Variants in OR2T11 observed in about 807,000 individuals in gnomAD.
The protein encoded by OR2T11 is olfactory receptor family 2 subfamily T member 11, also known as olfactory receptor 2T11.
A neutral mutation model predicts 13.5 loss-of-function variants in OR2T11; 14 were observed. The observed-to-expected ratio is 1.04, with a 90% CI of 0.69 to 1.62. The LOEUF is 1.62. Ranked by LOEUF, OR2T11 falls within the 40% of genes most tolerant of loss-of-function variation. OR2T11 has a pLI of 0.00. For synonymous variants in OR2T11, 163 were observed against 154.6 expected, an observed-to-expected ratio of 1.05 and a Z score of -0.40; for missense variants, 410 against 389.7, an observed-to-expected ratio of 1.05 and a Z score of -0.44.
Position 248,626,269 on chromosome 1 carries a change from T to C in OR2T11, c.860A>G (p.Tyr287Cys), listed in dbSNP as rs758684399. The C allele has an allele frequency of 6.4e-7, 1 of 1,569,110 alleles. No individual in the cohort carries two copies. The highest frequency in any genetic ancestry group is 8.7e-7 in the Non-Finnish European group (1 of 1,152,976). The change falls in exon 2 of 2, where the codon TAC (tyrosine) becomes TGC (cysteine). Residue 287 changes from tyrosine (Y) to cysteine (C), a missense_variant. Physicochemically the swap from Tyr to Cys is radical, Grantham distance 194. Transcript: ENST00000641193. ...IVTPMLNPLI[Y>C]SLRNKDVIGA... Reference sequence around the variant, plus strand: ...TATGACGTCCTTGTTTCTGAGGCTGTAGATGAGAGGATTAAGCATGGGCGT... The same window carrying C: ...TATGACGTCCTTGTTTCTGAGGCTGCAGATGAGAGGATTAAGCATGGGCGT...
At chr1:248,628,841 C>T (rs193027144) in intron 1 of OR2T11, among the ~76,000 whole-genome samples, 1 of 143,130 alleles carries the variant, frequency 7.0e-6, no homozygotes, top group Non-Finnish European at 1.5e-5. Flanking sequence ...TCAGGCCTCC[C>T]AGAAATACTC....
At position 248,627,281 on chromosome 1, in the gene OR2T11, G is replaced by T; in HGVS notation, c.-144-9C>A. The T allele has an allele frequency of 5.2e-6, 3 of 572,240 alleles. No homozygotes were observed. Among genetic ancestry groups the T allele is most frequent in the Non-Finnish European group, 9.2e-6 (3 of 327,076 alleles). The allele number at this position is 572,240 out of a possible 1,614,324, so 35.4% of individuals were successfully genotyped here. The stretch of plus-strand genomic sequence containing the variant: ...AGCTTCCAGGCTAGAGGCTAGAGAA[G>T]AACAGGCAGACCAACATGCACATCA... On this transcript the variant is annotated splice_polypyrimidine_tract_variant and intron_variant, in intron 1 of 1. Transcript: ENST00000641193.
chr1:248,626,415 A>T lies in OR2T11; in HGVS notation c.714T>A (p.Cys238Ter), dbSNP rs530912003. 1 of 1,571,602 alleles carries T rather than the reference A, an allele frequency of 6.4e-7. No individual in the cohort carries two copies. Among genetic ancestry groups the T allele is most frequent in the Non-Finnish European group, 8.7e-7 (1 of 1,155,488 alleles). ...TGCTAACTACAGTCAAGTGGGAGGA[A>T]CAAGTGGTGAAGGCCTTTTTGCGAC... ...AEGRKKAFTT[C>*]SSHLTVVSIF... is the part of the protein sequence containing the mutation. The change falls in exon 2 of 2, where the codon TGT becomes TGA. Residue 238 changes from cysteine (C) to a stop codon, truncating the protein, a stop_gained. Coordinates refer to ENST00000641193, the MANE Select transcript of OR2T11 (RefSeq NM_001001964.2). LOFTEE classifies it high-confidence loss of function.
rs773873003 is a variant in OR2T11 at position 248,626,239 on chromosome 1, G to A, written c.890C>T (p.Ala297Val). 1.3e-5 allele frequency: 21 copies of A among 1,568,252 alleles called. 2 individuals carry two copies. The highest frequency in any genetic ancestry group is 1.6e-5 in the Non-Finnish European group (19 of 1,152,184). ...GCAACATGCAAATACCTTTTTAAAT[G>A]CCCCTATGACGTCCTTGTTTCTGAG... ...YSLRNKDVIG[A>V]FKKVFACCSS... Residue 297 changes from alanine (A) to valine (V), a missense_variant, in exon 2 of 2, where the codon GCA becomes GTA. Physicochemically the swap from Ala to Val is moderately conservative, Grantham distance 64. Transcript: ENST00000641193.
In OR2T11 at chr1:248,631,795, A is replaced by G. The variant is rs151058256; in HGVS notation, c.-145+3243T>C. Among the ~76,000 whole-genome samples, 552 of 143,296 alleles carry G rather than the reference A, an allele frequency of 3.9e-3. 112 individuals are homozygous for G. Among genetic ancestry groups the G allele is most frequent in the African/African-American group, 0.014 (528 of 36,446 alleles). The allele number at this position is 143,296 out of a possible 152,430, so 94.0% of individuals were successfully genotyped here. A position where few individuals can be genotyped will look rare whatever the true frequency, so the allele number is the denominator to read the frequency against. On this transcript the variant is annotated intron_variant, in intron 1 of 1. Transcript: ENST00000641193. ...ATGTACCCCAAGAAAGGTCTTACAA[A>G]TGCCACTCACACACGTCACTGTTGT...
chr1:248,626,639 G>C lies in OR2T11; in HGVS notation c.490C>G (p.Pro164Ala). The C allele has an allele frequency of 6.4e-7, 1 of 1,572,678 alleles. No individual in the cohort carries two copies. Among genetic ancestry groups the C allele is most frequent in the East Asian group, 2.3e-5 (1 of 43,656 alleles). The change falls in exon 2 of 2, where the codon CCT (proline) becomes GCT (alanine). Residue 164 changes from proline to alanine, a missense_variant. Transcript: ENST00000641193. ...FLLTPITMNV[P>A]YCGSRSINHF... ...TTGATACTTCGGGAGCCACAGTAAGGGACATTCATGGTGATGGGAGTGAGC... is the reference window on the plus strand; with the variant it reads ...TTGATACTTCGGGAGCCACAGTAAGCGACATTCATGGTGATGGGAGTGAGC...
In OR2T11 at chr1:248,626,735, G is replaced by A. The variant is rs149834385; in HGVS notation, c.394C>T (p.Leu132=). 103 of 1,573,300 alleles carry A rather than the reference G, an allele frequency of 6.5e-5. 6 individuals carry two copies. Among genetic ancestry groups the A allele is most frequent in the Non-Finnish European group, 8.6e-5 (100 of 1,157,006 alleles). Residue 132 remains leucine (L), a synonymous_variant, in exon 2 of 2, where the codon CTG becomes TTG. Transcript: ENST00000641193. ...AAAAGACACTTCTTGCGGTTCATCA[G>A]GACTGGGTATCTCAGAGGGTTACAG... ...AVCNPLRYPV[L]MNRKKCLLLA...
At chr1:248,632,956 A>G (rs1660633467) in intron 1 of OR2T11, among the ~76,000 whole-genome samples, 1 of 44,348 alleles carries the variant, frequency 2.3e-5, no homozygotes, top group Admixed American at 2.7e-4. Context: ...GCTGGGTTGT[A>G]TCAACATCGA....
rs1660484891 is a variant in OR2T11 at position 248,624,424 on chromosome 1, T to C, written c.*1754A>G. 1 of 143,490 alleles carries C rather than the reference T, an allele frequency of 7.0e-6. No individual in the cohort carries two copies. Among genetic ancestry groups the C allele is most frequent in the East Asian group, 2.0e-4 (1 of 4,972 alleles). 8.9% of individuals were successfully genotyped at this position (143,490 alleles called of 1,614,324 possible). On this transcript the variant is annotated 3_prime_UTR_variant, in exon 2 of 2. Coordinates refer to ENST00000641193, the MANE Select transcript of OR2T11 (RefSeq NM_001001964.2). Reference sequence around the variant, plus strand: ...TGGTCACTAAGGTTACAAGTAACCTTTCATGTTGCTAAATACAGTAACCAA... The same window carrying C: ...TGGTCACTAAGGTTACAAGTAACCTCTCATGTTGCTAAATACAGTAACCAA...
At chr1:248,629,707 C>T (rs1212817118) in intron 1 of OR2T11, among the ~76,000 whole-genome samples, 8 of 140,526 alleles carry the variant, frequency 5.7e-5, no homozygotes, top group East Asian at 2.1e-4. Flanking sequence ...AATGATCTCC[C>T]GCCGACTCCA....
chr1:248,626,696 C>G lies in OR2T11; in HGVS notation c.433G>C (p.Ala145Pro). ...CCATCGAGGGAGCCCCCAAACCAGG[C>G]ACCAGCAGCCAGCAAAAGACACTTC... The part of the protein sequence containing the change: ...RKKCLLLAAG[A>P]WFGGSLDGFL... Residue 145 changes from alanine to proline, a missense_variant, in exon 2 of 2, where the codon GCC becomes CCC. Transcript: ENST00000641193. The G allele has an allele frequency of 3.8e-6, 6 of 1,573,350 alleles. 1 individual carries two copies. The highest frequency in any genetic ancestry group is 5.2e-6 in the Non-Finnish European group (6 of 1,156,998).
At chr1:248,627,334 C>G in intron 1 of OR2T11, 62 bp from the exon 2 acceptor site, 1 of 538,402 alleles carries the variant, frequency 1.9e-6, no homozygotes, top group South Asian at 2.3e-5. Context: ...CTGCATTTCC[C>G]TGTCAGAGAA....
rs1164115582 is a variant in OR2T11 at position 248,629,841 on chromosome 1, T to C, written c.-144-2569A>G. ...TTGCCTGGGGCTCCTCCTCCAACCGTGCAAGGCCATCCATCCCCTCATGTA... is the reference window on the plus strand; with the variant it reads ...TTGCCTGGGGCTCCTCCTCCAACCGCGCAAGGCCATCCATCCCCTCATGTA... On this transcript the variant is annotated intron_variant, in intron 1 of 1. Transcript: ENST00000641193. Among the ~76,000 whole-genome samples the C allele has an allele frequency of 1.4e-5, 2 of 141,606 alleles. 1 individual carries two copies. Among genetic ancestry groups the C allele is most frequent in the Non-Finnish European group, 3.0e-5 (2 of 65,946 alleles). The allele number at this position is 141,606 out of a possible 152,430, so 92.9% of individuals were successfully genotyped here.
chr1:248,628,634 G>T lies in OR2T11; in HGVS notation c.-144-1362C>A, dbSNP rs569666251. Among the ~76,000 whole-genome samples the T allele has an allele frequency of 8.9e-4, 128 of 143,294 alleles. 10 individuals carry two copies. Among genetic ancestry groups the T allele is most frequent in the Non-Finnish European group, 1.7e-3 (110 of 66,254 alleles). The allele number at this position is 143,294 out of a possible 152,430, so 94.0% of individuals were successfully genotyped here. ...AATTTAGCTGGTTGTCCTTTACCAT[G>T]CTGAAGTCATATCTGGTTTCACAAA... On this transcript the variant is annotated intron_variant, in intron 1 of 1. Coordinates refer to ENST00000641193, the MANE Select transcript of OR2T11 (RefSeq NM_001001964.2).
At chr1:248,633,168 T>TA (rs1660635587) in intron 1 of OR2T11, among the ~76,000 whole-genome samples, 1 of 118,070 alleles carries the variant, frequency 8.5e-6, no homozygotes, top group African/African-American at 3.6e-5. Context: ...TTATTTGCAA[T>TA]AAGAAAGTGG....
chr1:248,629,764 G>C (rs770537166), intron 1 of OR2T11, among the ~76,000 whole-genome samples: 2 of 140,562 alleles, frequency 1.4e-5, no homozygotes, highest in Non-Finnish European at 3.0e-5. Flanking sequence ...CTTGTCCTCT[G>C]TCCCCACTTT....
intron 1 of OR2T11, among the ~76,000 whole-genome samples, chr1:248,634,023 G>A (rs1419180654): frequency 7.4e-6 from 1 of 135,710 alleles, no homozygotes; most frequent in Non-Finnish European, 1.6e-5. Context: ...CATCACCCTT[G>A]ACATGCAGTT....
chr1:248,632,514 G>C lies in OR2T11; in HGVS notation c.-145+2524C>G, dbSNP rs182900119. Reference sequence around the variant, plus strand: ...GGAGAGTCTCCCTGCTGTGGATTGGGGACAGTTGAGGGACCATTTCTGAAA... The same window carrying C: ...GGAGAGTCTCCCTGCTGTGGATTGGCGACAGTTGAGGGACCATTTCTGAAA... On this transcript the variant is annotated intron_variant, in intron 1 of 1. Coordinates refer to ENST00000641193, the MANE Select transcript of OR2T11 (RefSeq NM_001001964.2). Among the ~76,000 whole-genome samples, 588 of 137,200 alleles carry C rather than the reference G, an allele frequency of 4.3e-3. 118 individuals carry two copies. The highest frequency in any genetic ancestry group is 0.016 in the African/African-American group (557 of 33,968). The allele number at this position is 137,200 out of a possible 152,430, so 90.0% of individuals were successfully genotyped here.
At chr1:248,627,901 T>TATC (rs2103101867) in intron 1 of OR2T11, among the ~76,000 whole-genome samples, 1 of 143,600 alleles carries the variant, frequency 7.0e-6, no homozygotes, top group Admixed American at 6.8e-5. Flanking sequence ...GCTAACCTTT[T>TATC]TGCAGATCTT....
Sources: allele counts gnomAD v4.1 joint callset (sites outside exome capture counted in the v4.1 genomes callset), GRCh38; gene constraint gnomAD v4.1.1; transcripts MANE v1.5; gene names NCBI Gene and HGNC (gene_info 2026-07-23, HGNC 2026-07-21).